Variants in DISC1 observed in about 807,000 individuals in gnomAD.
DISC1 encodes the protein DISC1 scaffold protein, also known as disrupted in schizophrenia 1 protein.
DISC1 carries 57 observed loss-of-function variants against 84.5 expected under a neutral mutation model. The observed-to-expected ratio is 0.67, with a 90% CI of 0.55 to 0.84. The LOEUF (loss-of-function observed/expected upper bound fraction) is 0.84. Among genes scored for constraint, DISC1 ranks in the 40% least tolerant of loss-of-function variants. The probability of loss-of-function intolerance (pLI) is 0.00; values close to 1 mark genes in which losing one functional copy is unlikely to be tolerated. For synonymous variants in DISC1, 411 were observed against 415.2 expected (o/e 0.99, Z 0.12); for missense variants, 1,000 against 1,057.8 (o/e 0.95, Z 0.76).
intron 10 of DISC1, 122 bp from the exon 11 acceptor site, chr1:232,008,663 G>T: frequency 1.7e-6 from 2 of 1,191,404 alleles, no homozygotes; most frequent in Non-Finnish European, 1.1e-6. Flanking sequence ...TTATCACTGT[G>T]AAATTAAGTC....
intron 9 of DISC1, among the ~76,000 whole-genome samples, chr1:231,832,868 G>A (rs531959343): frequency 1.4e-5 from 2 of 145,296 alleles, no homozygotes; most frequent in Admixed American, 1.4e-4. Flanking sequence ...TATAAGGAGA[G>A]TTTATAGGCT....
intron 9 of DISC1, among the ~76,000 whole-genome samples, chr1:231,842,674 T>G (rs1459858588): frequency 6.6e-6 from 1 of 152,126 alleles, no homozygotes; most frequent in Non-Finnish European, 1.5e-5. Context: ...TGAATTCAGA[T>G]CCTCTTGTGC....
chr1:231,642,778 T>C (rs2059831741), intron 1 of DISC1, among the ~76,000 whole-genome samples: 1 of 152,234 alleles, frequency 6.6e-6, no homozygotes, highest in South Asian at 2.1e-4. Flanking sequence ...TATAATTTCA[T>C]ACCCAAAGAG....
At chr1:231,805,132 C>T (rs1022309060) in intron 8 of DISC1, among the ~76,000 whole-genome samples, 3 of 152,180 alleles carry the variant, frequency 2.0e-5, no homozygotes, top group African/African-American at 7.2e-5. Flanking sequence ...TTGTTTCTCT[C>T]CCTTTTCACT....
rs533463099 is a variant in DISC1, at chr1:231,863,220, C to CTTTTTTTTTT, written c.1981+44726_1981+44735dup. On this transcript the variant is annotated intron_variant, in intron 9 of 12. Coordinates refer to ENST00000439617, the MANE Select transcript of DISC1 (RefSeq NM_018662.3). ...TGATTGACATAGTTTATAAAATGTT[C>CTTTTTTTTTT]TTTTTTTTTTTTTTTTTTTTTTTTT... 1.8e-4 allele frequency among the ~76,000 whole-genome samples: 10 copies of CTTTTTTTTTT among 54,770 alleles called. 2 individuals are homozygous for CTTTTTTTTTT. The highest frequency in any genetic ancestry group is 3.0e-4 in the Admixed American group (1 of 3,290). The allele number at this position is 54,770 out of a possible 152,430, so 35.9% of individuals were successfully genotyped here. A position where few individuals can be genotyped will look rare whatever the true frequency, so the allele number is the denominator to read the frequency against.
chr1:231,839,198 A>G (rs1050070313), intron 9 of DISC1, among the ~76,000 whole-genome samples: 2 of 152,110 alleles, frequency 1.3e-5, no homozygotes, highest in Non-Finnish European at 2.9e-5. Context: ...GGTCGGAGGA[A>G]CGTGGCACAT....
At chr1:231,733,890 G>T (rs1212661444) in intron 3 of DISC1, among the ~76,000 whole-genome samples, 1 of 151,582 alleles carries the variant, frequency 6.6e-6, no homozygotes, top group Non-Finnish European at 1.5e-5. Flanking sequence ...TGGTTGGGGG[G>T]TGGTGATGGT....
chr1:231,932,513 G>A (rs150268616), intron 9 of DISC1, among the ~76,000 whole-genome samples: 114 of 152,228 alleles, frequency 7.5e-4, no homozygotes, highest in African/African-American at 2.7e-3. Flanking sequence ...ATGGAGCTTT[G>A]GTTTAGTAAC....
chr1:231,879,842 C>T (rs2086166373), intron 9 of DISC1, among the ~76,000 whole-genome samples: 1 of 151,942 alleles, frequency 6.6e-6, no homozygotes, highest in South Asian at 2.1e-4. Flanking sequence ...ATTAAGAGTA[C>T]ATAATTTGAG....
intron 9 of DISC1, among the ~76,000 whole-genome samples, chr1:231,895,396 C>T (rs1203455371): frequency 6.6e-6 from 1 of 151,340 alleles, no homozygotes; most frequent in East Asian, 1.9e-4. Flanking sequence ...ATATTTCCCC[C>T]ATATATGTAT....
At chr1:231,869,585 A>G (rs1574338365) in intron 9 of DISC1, among the ~76,000 whole-genome samples, 2 of 151,352 alleles carry the variant, frequency 1.3e-5, no homozygotes, top group Non-Finnish European at 3.0e-5. Context: ...CTCTCTGGCC[A>G]TGTGATCTCT....
chr1:231,946,397 G>T (rs1266582973), intron 9 of DISC1, among the ~76,000 whole-genome samples: 2 of 152,078 alleles, frequency 1.3e-5, no homozygotes, highest in Non-Finnish European at 2.9e-5. Context: ...AAAGGCCTTC[G>T]ACAAAATTCA....
intron 1 of DISC1, among the ~76,000 whole-genome samples, chr1:231,627,597 G>T (rs1356844309): frequency 6.6e-6 from 1 of 152,270 alleles, no homozygotes; most frequent in Non-Finnish European, 1.5e-5. Context: ...AACTCTTAGT[G>T]ATGATTGTGG....
In DISC1 at chr1:231,694,044, C is replaced by CGGA. The variant is rs1190630413; in HGVS notation, c.288_290dup (p.Arg96dup). The stretch of plus-strand genomic sequence containing the variant: ...CCTTGACTCGAGAGGCCTCTTGGTC[C>CGGA]GGAGCCCTGTTTCCAAGAGTGCAGC... On this transcript the variant is annotated inframe_insertion, in exon 2 of 13. Coordinates refer to ENST00000439617, the MANE Select transcript of DISC1 (RefSeq NM_018662.3). The CGGA allele has an allele frequency of 6.2e-7, 1 of 1,614,042 alleles. No homozygotes were observed. The highest frequency in any genetic ancestry group is 8.5e-7 in the Non-Finnish European group (1 of 1,180,036).
intron 6 of DISC1, among the ~76,000 whole-genome samples, chr1:231,781,082 C>T (rs553631831): frequency 2.5e-4 from 37 of 148,076 alleles, no homozygotes; most frequent in African/African-American, 8.0e-4. Flanking sequence ...GTGGGTTCAG[C>T]GCACCAGCAT....
chr1:231,847,971 G>A (rs903952284), intron 9 of DISC1, among the ~76,000 whole-genome samples: 2 of 152,202 alleles, frequency 1.3e-5, no homozygotes, highest in Non-Finnish European at 2.9e-5. Context: ...GAAGAGAGCT[G>A]CTGGGAAGAA....
intron 9 of DISC1, among the ~76,000 whole-genome samples, chr1:231,865,530 G>A (rs2084990180): frequency 6.6e-6 from 1 of 152,206 alleles, no homozygotes; most frequent in Non-Finnish European, 1.5e-5. Context: ...TTTTGAAAAT[G>A]TAAACACTAA....
intron 9 of DISC1, among the ~76,000 whole-genome samples, chr1:231,872,855 G>T (rs1202009201): frequency 6.6e-6 from 1 of 152,176 alleles, no homozygotes. Context: ...TATTTCAGAG[G>T]CAGGTTCCTT....
intron 9 of DISC1, among the ~76,000 whole-genome samples, chr1:231,870,056 G>A (rs201753945): frequency 6.6e-6 from 1 of 152,118 alleles, no homozygotes; most frequent in Non-Finnish European, 1.5e-5. Context: ...TGAGAGTACG[G>A]GGGTCCTAGA....
Sources: gnomAD v4.1 joint callset for allele counts (sites outside exome capture counted in the v4.1 genomes callset) on GRCh38, gnomAD v4.1.1 for gene constraint, MANE v1.5 for transcripts, NCBI Gene and HGNC (gene_info 2026-07-23, HGNC 2026-07-21) for gene names.